Variants in B3GALT1 observed in about 807,000 individuals in gnomAD.
B3GALT1 encodes the protein UDP-Gal:betaGlcNAc beta 1,3-galactosyltransferase, polypeptide 1.
In B3GALT1, 10 loss-of-function variants were observed where a neutral mutation model predicts 23.2. That is an observed-to-expected ratio of 0.43 (90% confidence interval 0.27 to 0.73). The LOEUF (loss-of-function observed/expected upper bound fraction) is 0.73. Among genes scored for constraint, B3GALT1 ranks in the 30% least tolerant of loss-of-function variants. B3GALT1 has a pLI of 0.21. For missense variants in B3GALT1, 299 were observed against 405.4 expected, an observed-to-expected ratio of 0.74 and a Z score of 2.25; for synonymous variants, 156 against 141.5, an observed-to-expected ratio of 1.10 and a Z score of -0.73.
At chr2:167,722,193 T>A (rs1311424482) in intron 3 of B3GALT1, among the ~76,000 whole-genome samples, 1 of 152,228 alleles carries the variant, frequency 6.6e-6, no homozygotes, top group Non-Finnish European at 1.5e-5. Context: ...GGCTATAGTA[T>A]AAATGCACTG....
At chr2:167,704,697 TA>T (rs1686943281) in intron 3 of B3GALT1, among the ~76,000 whole-genome samples, 1 of 152,174 alleles carries the variant, frequency 6.6e-6, no homozygotes. Context: ...TGTTTTTAAG[TA>T]AATGAACATG....
At chr2:167,365,272 C>T (rs575948088) in intron 1 of B3GALT1, among the ~76,000 whole-genome samples, 1 of 152,226 alleles carries the variant, frequency 6.6e-6, no homozygotes, top group South Asian at 2.1e-4. Flanking sequence ...GGGAAGAGAT[C>T]AGAAAGAATT....
chr2:167,433,884 T>C (rs1698739753), intron 1 of B3GALT1, among the ~76,000 whole-genome samples: 1 of 152,104 alleles, frequency 6.6e-6, no homozygotes, highest in African/African-American at 2.4e-5. Context: ...GGTGTGACCA[T>C]GCCACTGCCC....
intron 1 of B3GALT1, among the ~76,000 whole-genome samples, chr2:167,454,203 G>T (rs1025638031): frequency 1.3e-5 from 2 of 151,478 alleles, no homozygotes; most frequent in African/African-American, 2.4e-5. Context: ...GAAAGTGTGT[G>T]TGTGTGTGCG....
At chr2:167,296,626 C>G (rs1696353684) in intron 1 of B3GALT1, among the ~76,000 whole-genome samples, 1 of 152,134 alleles carries the variant, frequency 6.6e-6, no homozygotes, top group Non-Finnish European at 1.5e-5. Context: ...TATTCTCGTT[C>G]TCTTTACTAA....
chr2:167,805,218 T>TACAATTA (rs1278443862), intron 3 of B3GALT1, among the ~76,000 whole-genome samples: 1 of 152,212 alleles, frequency 6.6e-6, no homozygotes, highest in Admixed American at 6.5e-5. Flanking sequence ...TTGTAGATTC[T>TACAATTA]GGATATTAGC....
chr2:167,522,165 C>A (rs1700200150), intron 2 of B3GALT1, among the ~76,000 whole-genome samples: 1 of 151,780 alleles, frequency 6.6e-6, no homozygotes, highest in Non-Finnish European at 1.5e-5. Context: ...AGGGAAATGG[C>A]AACCTAACTT....
At chr2:167,755,426 A>G (rs887815315) in intron 3 of B3GALT1, among the ~76,000 whole-genome samples, 35 of 150,844 alleles carry the variant, frequency 2.3e-4, no homozygotes, top group Non-Finnish European at 3.8e-4. Context: ...TTCTCCCTCC[A>G]AACTTGCCCT....
chr2:167,410,744 TA>T (rs1698377959), intron 1 of B3GALT1, among the ~76,000 whole-genome samples: 3 of 151,602 alleles, frequency 2.0e-5, no homozygotes, highest in African/African-American at 7.3e-5. Context: ...GAACTTAAAG[TA>T]AAAAAATAAA....
chr2:167,319,848 C>G (rs1252779459), intron 1 of B3GALT1, among the ~76,000 whole-genome samples: 1 of 152,122 alleles, frequency 6.6e-6, no homozygotes, highest in Admixed American at 6.5e-5. Flanking sequence ...TGATTACCGC[C>G]ATTGGATCCT....
chr2:167,482,532 G>A (rs533582699), intron 1 of B3GALT1, among the ~76,000 whole-genome samples: 17 of 152,200 alleles, frequency 1.1e-4, no homozygotes, highest in African/African-American at 2.6e-4. Flanking sequence ...AATATATACC[G>A]TGTCTTTAAG....
intron 3 of B3GALT1, among the ~76,000 whole-genome samples, chr2:167,750,282 A>G (rs1687715138): frequency 1.3e-5 from 2 of 152,214 alleles, no homozygotes; most frequent in South Asian, 2.1e-4. Flanking sequence ...CCAATCCAAT[A>G]AAGTGAAATT....
rs557099856 is a variant in B3GALT1 at position 167,840,882 on chromosome 2, T to C, written c.-230+22089T>C. On this transcript the variant is annotated intron_variant, in intron 4 of 4. Transcript: ENST00000392690. ...TGAGTTCATGTCCTTTGTAGGGACATGGATGAAATTGGAAATCATCATTCT... is the reference window on the plus strand; with the variant it reads ...TGAGTTCATGTCCTTTGTAGGGACACGGATGAAATTGGAAATCATCATTCT... Among the ~76,000 whole-genome samples, 133 of 147,086 alleles carry C rather than the reference T, an allele frequency of 9.0e-4. 1 individual carries two copies. The highest frequency in any genetic ancestry group is 3.2e-3 in the African/African-American group (122 of 37,894).
At chr2:167,682,720 C>T (rs1686553609) in intron 3 of B3GALT1, among the ~76,000 whole-genome samples, 1 of 152,222 alleles carries the variant, frequency 6.6e-6, no homozygotes, top group East Asian at 1.9e-4. Flanking sequence ...CTTCCGCCCT[C>T]CCCACCTAGT....
intron 3 of B3GALT1, among the ~76,000 whole-genome samples, chr2:167,679,980 T>G (rs1219432226): frequency 1.3e-5 from 2 of 152,228 alleles, no homozygotes; most frequent in Non-Finnish European, 2.9e-5. Flanking sequence ...GATATTGGTC[T>G]TTCCAGTTCA....
intron 4 of B3GALT1, among the ~76,000 whole-genome samples, chr2:167,841,920 A>T (rs1689660280): frequency 6.6e-6 from 1 of 152,146 alleles, no homozygotes; most frequent in African/African-American, 2.4e-5. Context: ...AAATAATAAA[A>T]TTTTTTGCTT....
chr2:167,323,602 GTGA>G (rs1309115674), intron 1 of B3GALT1, among the ~76,000 whole-genome samples: 2 of 152,100 alleles, frequency 1.3e-5, no homozygotes, highest in Non-Finnish European at 1.5e-5. Context: ...AGGAGAGAAT[GTGA>G]TGCAGCAGAA....
At chr2:167,373,828 G>T (rs1697721971) in intron 1 of B3GALT1, among the ~76,000 whole-genome samples, 1 of 152,086 alleles carries the variant, frequency 6.6e-6, no homozygotes. Context: ...CAAAGTGCTG[G>T]GATTACAGGT....
At chr2:167,576,031 C>T (rs1447400823) in intron 2 of B3GALT1, among the ~76,000 whole-genome samples, 2 of 151,706 alleles carry the variant, frequency 1.3e-5, no homozygotes, top group Admixed American at 6.6e-5. Flanking sequence ...ATACTCAGTA[C>T]ACAGTGAATT....
Sources: allele counts gnomAD v4.1 joint callset (sites outside exome capture counted in the v4.1 genomes callset), GRCh38; gene constraint gnomAD v4.1.1; transcripts MANE v1.5; gene names NCBI Gene and HGNC (gene_info 2026-07-23, HGNC 2026-07-21).